The following FAT3 variants were observed in gnomAD, a reference collection of about 807,000 sequenced individuals.
FAT3 encodes FAT atypical cadherin 3, also known as protocadherin Fat 3.
FAT3 carries 95 observed loss-of-function variants against 310.2 expected under a neutral mutation model. The ratio of observed to expected loss-of-function variants is 0.31; its 90% confidence interval spans 0.26 to 0.36. The LOEUF (loss-of-function observed/expected upper bound fraction) is 0.36, where lower values mean the gene tolerates loss of function less well. FAT3 is among the 10% of genes least tolerant of loss of function. FAT3 has a pLI of 1.00. For missense variants in FAT3, 5,408 were observed against 5,715.6 expected, an observed-to-expected ratio of 0.95 and a Z score of 1.74; for synonymous variants, 2,314 against 2,192.9, an observed-to-expected ratio of 1.06 and a Z score of -1.54.
chr11:92,702,164 T>C (rs1944115800), intron 4 of FAT3, among the ~76,000 whole-genome samples: 1 of 152,190 alleles, frequency 6.6e-6, no homozygotes, highest in African/African-American at 2.4e-5. Flanking sequence ...TGAAGCATGC[T>C]CAGGACGCTG....
chr11:92,410,638 A>G (rs1337230326), intron 2 of FAT3, among the ~76,000 whole-genome samples: 3 of 152,016 alleles, frequency 2.0e-5, no homozygotes, highest in African/African-American at 7.2e-5. Flanking sequence ...TTTAGCTAAC[A>G]AGTAAGCTTA....
At chr11:92,310,006 A>G (rs777428968) in intron 1 of FAT3, among the ~76,000 whole-genome samples, 29 of 151,732 alleles carry the variant, frequency 1.9e-4, no homozygotes, top group Non-Finnish European at 1.0e-4. Context: ...AACCTTGGCA[A>G]TTTTTTGACT....
intron 2 of FAT3, among the ~76,000 whole-genome samples, chr11:92,484,181 G>A (rs1225853906): frequency 6.6e-6 from 1 of 152,126 alleles, no homozygotes; most frequent in Non-Finnish European, 1.5e-5. Context: ...TTCTGTCTAT[G>A]CTATCTATGT....
chr11:92,359,683 T>C (rs1182759562), intron 2 of FAT3, among the ~76,000 whole-genome samples: 1 of 139,866 alleles, frequency 7.1e-6, no homozygotes, highest in Non-Finnish European at 1.5e-5. Context: ...CATGTGTCCA[T>C]GTGATCTCAT....
intron 21 of FAT3, among the ~76,000 whole-genome samples, chr11:92,862,668 G>A (rs189734024): frequency 3.3e-4 from 51 of 152,272 alleles, no homozygotes; most frequent in Admixed American, 2.0e-4. Flanking sequence ...GAGTAACAAG[G>A]AAGCTCCCTA....
At chr11:92,460,996 C>A (rs1337648826) in intron 2 of FAT3, among the ~76,000 whole-genome samples, 1 of 152,138 alleles carries the variant, frequency 6.6e-6, no homozygotes, top group Non-Finnish European at 1.5e-5. Context: ...GTGTGAAGGG[C>A]CATGCCATGC....
At chr11:92,322,122 C>A (rs1947635094) in intron 1 of FAT3, among the ~76,000 whole-genome samples, 1 of 152,080 alleles carries the variant, frequency 6.6e-6, no homozygotes. Context: ...ACCAATACAG[C>A]CCTACCTTGG....
chr11:92,721,592 T>C (rs1030157744), intron 4 of FAT3, among the ~76,000 whole-genome samples: 1 of 152,212 alleles, frequency 6.6e-6, no homozygotes, highest in African/African-American at 2.4e-5. Context: ...AAGGAATTTT[T>C]CTAAAAGTCA....
intron 2 of FAT3, among the ~76,000 whole-genome samples, chr11:92,420,931 T>C (rs191837243): frequency 7.9e-5 from 12 of 152,346 alleles, no homozygotes; most frequent in Non-Finnish European, 1.5e-4. Flanking sequence ...GATGATATTT[T>C]ACTTCTATGA....
intron 24 of FAT3, among the ~76,000 whole-genome samples, chr11:92,886,645 A>G (rs1320456333): frequency 2.6e-5 from 4 of 152,236 alleles, no homozygotes; most frequent in African/African-American, 9.6e-5. Flanking sequence ...TCATCAGTTC[A>G]TGTAAATGAT....
chr11:92,843,905 G>A lies in FAT3; in HGVS notation c.10567-29G>A, dbSNP rs186230526. ...TTACTATGATTAGTTTTCTTCCTTT[G>A]TTGCCTTTTCACCTCTTGGTTGTTT... On this transcript the variant is annotated intron_variant, in intron 18 of 27. Coordinates refer to ENST00000525166, the MANE Select transcript of FAT3 (RefSeq NM_001367949.2). 410 of 1,553,854 alleles carry A rather than the reference G, an allele frequency of 2.6e-4. 3 individuals carry two copies. In the East Asian group the frequency reaches 8.8e-3, roughly 33 times the overall value.
intron 4 of FAT3, among the ~76,000 whole-genome samples, chr11:92,714,380 C>A (rs1160358585): frequency 2.0e-5 from 3 of 151,992 alleles, no homozygotes; most frequent in Non-Finnish European, 2.9e-5. Context: ...TTAGGTTGTA[C>A]AAGAATTCAT....
In FAT3 at chr11:92,354,749, CA is replaced by C. The variant is rs1565252227; in HGVS notation, c.2639del (p.Asn880IlefsTer9). On this transcript the variant is annotated frameshift_variant, in exon 2 of 28. Transcript: ENST00000525166. LOFTEE classifies it high-confidence loss of function. ...TGACAGATACACAGCAGTTTGCCAT[CA>C]ATAGCTCAACTGGAATCGTTTATGT... ...VLTDTQQFAI[N>X]SSTGIVYVAD... 6.2e-7 allele frequency: 1 copy of C among 1,613,874 alleles called. No individual in the cohort carries two copies. Among genetic ancestry groups the C allele is most frequent in the Non-Finnish European group, 8.5e-7 (1 of 1,179,862 alleles).
intron 4 of FAT3, among the ~76,000 whole-genome samples, chr11:92,760,154 G>A (rs1388327608): frequency 6.6e-6 from 1 of 152,192 alleles, no homozygotes; most frequent in Non-Finnish European, 1.5e-5. Flanking sequence ...GTTCTTTTGT[G>A]AAACACAACA....
At chr11:92,833,252 A>G (rs1948313927) in intron 14 of FAT3, among the ~76,000 whole-genome samples, 1 of 152,194 alleles carries the variant, frequency 6.6e-6, no homozygotes. Flanking sequence ...TAGTCAAGGA[A>G]GTTCCCATTT....
At chr11:92,845,900 A>T (rs1028501263) in intron 19 of FAT3, among the ~76,000 whole-genome samples, 1 of 152,104 alleles carries the variant, frequency 6.6e-6, no homozygotes, top group Admixed American at 6.6e-5. Context: ...GACAGGCTCC[A>T]AGCAGCCCAT....
In FAT3 at chr11:92,883,299, C is replaced by G. The variant is rs776392765; in HGVS notation, c.12843C>G (p.Val4281=). The G allele has an allele frequency of 1.2e-6, 2 of 1,612,348 alleles. No individual in the cohort carries two copies. The highest frequency in any genetic ancestry group is 1.7e-6 in the Non-Finnish European group (2 of 1,179,834). Reference sequence around the variant, plus strand: ...TCCTGACAGCCCGGCGGGGCGTGGTCGTGTGCAGTGTGGCCCCCAACCTCC... The same window carrying G: ...TCCTGACAGCCCGGCGGGGCGTGGTGGTGTGCAGTGTGGCCCCCAACCTCC... ...PRILTARRGV[V]VCSVAPNLPA... is the part of the protein sequence containing the mutation. Residue 4281 remains valine, a synonymous_variant, in exon 24 of 28, where the codon GTC becomes GTG. Coordinates refer to ENST00000525166, the MANE Select transcript of FAT3 (RefSeq NM_001367949.2). This position sits in a 1 kb window ranked among gnomAD's most constrained non-coding sequence, Gnocchi z 4.2.
At position 92,827,303 on chromosome 11, in the gene FAT3, A is replaced by G. The variant is rs1158092252; in HGVS notation, c.9482-4319A>G. Among the ~76,000 whole-genome samples the G allele has an allele frequency of 2.0e-5, 3 of 152,174 alleles. No individual in the cohort carries two copies. In the East Asian group the frequency reaches 5.8e-4, roughly 29 times the overall value. On this transcript the variant is annotated intron_variant, in intron 13 of 27. Transcript: ENST00000525166. Reference sequence around the variant, plus strand: ...ATTTTTCCTTTGTTGATTCTGGCCCACTTAGGCCCAGGTCCAGCAACTTAA... The same window carrying G: ...ATTTTTCCTTTGTTGATTCTGGCCCGCTTAGGCCCAGGTCCAGCAACTTAA...
At chr11:92,698,787 A>T (rs1944013679) in intron 4 of FAT3, among the ~76,000 whole-genome samples, 1 of 152,148 alleles carries the variant, frequency 6.6e-6, no homozygotes, top group East Asian at 1.9e-4. Flanking sequence ...ATAAGACCTT[A>T]TATTATATTC....
Sources: allele counts gnomAD v4.1 joint callset (sites outside exome capture counted in the v4.1 genomes callset), GRCh38; gene constraint gnomAD v4.1.1; non-coding constraint Gnocchi (gnomAD v3.1); transcripts MANE v1.5; gene names NCBI Gene and HGNC (gene_info 2026-07-23, HGNC 2026-07-21).